The following SRPK2 variants were observed in gnomAD, a reference collection of about 807,000 sequenced individuals.
The protein encoded by SRPK2 is SFRS protein kinase 2.
In SRPK2, 21 loss-of-function variants were observed where a neutral mutation model predicts 90.8. The ratio of observed to expected loss-of-function variants is 0.23; its 90% confidence interval spans 0.16 to 0.33. The LOEUF (loss-of-function observed/expected upper bound fraction) is 0.33, where lower values mean the gene tolerates loss of function less well. Among genes scored for constraint, SRPK2 ranks in the 10% least tolerant of loss-of-function variants. The probability of loss-of-function intolerance (pLI) is 1.00; values close to 1 mark genes in which losing one functional copy is unlikely to be tolerated. For missense variants in SRPK2, 620 were observed against 869.0 expected (o/e 0.71, Z 3.60); for synonymous variants, 288 against 311.1 (o/e 0.93, Z 0.78).
chr7:105,203,468 A>G (rs1795814581), intron 3 of SRPK2, among the ~76,000 whole-genome samples, 160 bp downstream of exon 3: 1 of 152,178 alleles, frequency 6.6e-6, no homozygotes, highest in African/African-American at 2.4e-5. Context: ...TCTCTATACA[A>G]TGACCTAAGA....
intron 2 of SRPK2, among the ~76,000 whole-genome samples, chr7:105,364,116 T>C (rs1176818913): frequency 6.6e-6 from 1 of 152,048 alleles, no homozygotes; most frequent in Non-Finnish European, 1.5e-5. Flanking sequence ...CAAACCAACA[T>C]GGCACATGTA....
In SRPK2 at chr7:105,220,658, G is replaced by A. The variant is rs549308263; in HGVS notation, c.72-16873C>T. On this transcript the variant is annotated intron_variant, in intron 2 of 15. Coordinates refer to ENST00000393651, the MANE Select transcript of SRPK2 (RefSeq NM_182692.3). ...GTCTTTCAATCATTTATTAGTATAT[G>A]AAACAAACCACCAAAAGAATCTAAA... Among the ~76,000 whole-genome samples, 13 of 152,258 alleles carry A rather than the reference G, an allele frequency of 8.5e-5. No homozygotes were observed. The South Asian group carries it at 2.7e-3, about 32-fold the overall frequency.
rs113900008 is a variant in SRPK2, at chr7:105,121,387, A to AAAG, written c.1916-3366_1916-3365insCTT. Among the ~76,000 whole-genome samples, 487 of 148,264 alleles carry AAAG rather than the reference A, an allele frequency of 3.3e-3. 5 individuals carry two copies. Among genetic ancestry groups the AAAG allele is most frequent in the African/African-American group, 5.9e-3 (238 of 40,398 alleles). On this transcript the variant is annotated intron_variant, in intron 15 of 15. Coordinates refer to ENST00000393651, the MANE Select transcript of SRPK2 (RefSeq NM_182692.3). ...AAATATATGAAGACGTAAAAAAAAA[A>AAAG]AGAGAGAAAAGAAAATATATGAAGA...
intron 7 of SRPK2, among the ~76,000 whole-genome samples, chr7:105,159,441 C>A (rs1285922374): frequency 1.4e-4 from 2 of 14,784 alleles, no homozygotes; most frequent in Admixed American, 8.3e-4. Context: ...GAGCGAGACT[C>A]CGTCTCCAAA....
intron 2 of SRPK2, among the ~76,000 whole-genome samples, chr7:105,380,413 G>T (rs1268339196): frequency 6.6e-6 from 1 of 151,866 alleles, no homozygotes; most frequent in African/African-American, 2.4e-5. Context: ...TTACATACAT[G>T]CATATACATG....
intron 11 of SRPK2, among the ~76,000 whole-genome samples, chr7:105,134,001 A>T (rs1167866621): frequency 6.6e-6 from 1 of 152,164 alleles, no homozygotes; most frequent in Non-Finnish European, 1.5e-5. Context: ...AATAGTCCTT[A>T]AAGTCAGCAT....
In SRPK2 at chr7:105,284,061, G is replaced by GT. The variant is rs1012664056; in HGVS notation, c.72-80277dup. Among the ~76,000 whole-genome samples the GT allele has an allele frequency of 7.0e-4, 106 of 151,802 alleles. 2 individuals carry two copies. The highest frequency in any genetic ancestry group is 3.4e-3 in the South Asian group (16 of 4,764). ...CAAGTTACTTGGGCGTTTTTTGTTT[G>GT]TTTTTTTTGTTTGTTTGTTTTTTAA... On this transcript the variant is annotated intron_variant, in intron 2 of 15. Coordinates refer to ENST00000393651, the MANE Select transcript of SRPK2 (RefSeq NM_182692.3).
intron 2 of SRPK2, among the ~76,000 whole-genome samples, chr7:105,281,188 C>T (rs1781088934): frequency 6.6e-6 from 1 of 151,590 alleles, no homozygotes; most frequent in African/African-American, 2.4e-5. Context: ...CCTCCACCTC[C>T]CAGGTTCAAG....
chr7:105,268,099 C>A (rs921195188), intron 2 of SRPK2, among the ~76,000 whole-genome samples: 3 of 152,116 alleles, frequency 2.0e-5, no homozygotes, highest in Non-Finnish European at 4.4e-5. Context: ...TATCTTAATT[C>A]TTTTTATAAG....
intron 2 of SRPK2, among the ~76,000 whole-genome samples, chr7:105,214,633 A>G (rs1200492071): frequency 6.6e-6 from 1 of 152,234 alleles, no homozygotes; most frequent in Non-Finnish European, 1.5e-5. Context: ...AATAAAGTAC[A>G]TAGAAATAAA....
chr7:105,324,160 G>A (rs1813292197), intron 2 of SRPK2, among the ~76,000 whole-genome samples: 1 of 151,254 alleles, frequency 6.6e-6, no homozygotes, highest in Non-Finnish European at 1.5e-5. Context: ...CCATGCCCGG[G>A]TAATTATATA....
intron 7 of SRPK2, among the ~76,000 whole-genome samples, chr7:105,154,763 G>A (rs1004638389): frequency 3.3e-5 from 5 of 151,968 alleles, no homozygotes; most frequent in East Asian, 1.9e-4. Flanking sequence ...TGCAACCTCC[G>A]TATCCTGGGT....
chr7:105,324,174 T>A (rs116857739), intron 2 of SRPK2, among the ~76,000 whole-genome samples: 3,086 of 151,260 alleles, frequency 0.02, 54 homozygotes, highest in East Asian at 0.058. Flanking sequence ...TTATATATAT[T>A]TTTTTTGTAT....
intron 2 of SRPK2, among the ~76,000 whole-genome samples, chr7:105,290,991 T>C (rs993543896): frequency 9.7e-5 from 14 of 143,788 alleles, no homozygotes; most frequent in African/African-American, 2.8e-4. Flanking sequence ...TGAGCCGAGA[T>C]TGCGCCACTG....
chr7:105,285,198 C>A (rs1183147160), intron 2 of SRPK2, among the ~76,000 whole-genome samples: 2 of 151,862 alleles, frequency 1.3e-5, no homozygotes, highest in African/African-American at 4.8e-5. Flanking sequence ...CCAGCCTGGG[C>A]AACATAGCGA....
At chr7:105,170,979 G>GAAAGAAAGAA (rs1791020200) in intron 3 of SRPK2, among the ~76,000 whole-genome samples, 1 of 102,400 alleles carries the variant, frequency 9.8e-6, no homozygotes, top group Non-Finnish European at 2.0e-5. Context: ...GAAAGAAAGA[G>GAAAGAAAGAA]AAAGAAAGAA....
At chr7:105,174,972 C>T (rs1275811027) in intron 3 of SRPK2, among the ~76,000 whole-genome samples, 1 of 151,986 alleles carries the variant, frequency 6.6e-6, no homozygotes, top group Non-Finnish European at 1.5e-5. Flanking sequence ...GACAAAAACG[C>T]CTCTCTTACT....
rs115569288 is a variant in SRPK2 at position 105,208,236 on chromosome 7, T to G, written c.72-4451A>C. 2.3e-3 allele frequency among the ~76,000 whole-genome samples: 347 copies of G among 152,244 alleles called. 1 individual carries two copies. Among genetic ancestry groups the G allele is most frequent in the African/African-American group, 8.0e-3 (334 of 41,556 alleles). ...GCCATCTTGGAAAACGGTCTGGCAG[T>G]TCCTCAAAAGTTTAAACATAAAATT... On this transcript the variant is annotated intron_variant, in intron 2 of 15. Transcript: ENST00000393651.
At chr7:105,224,863 ATT>A (rs1276637953) in intron 2 of SRPK2, among the ~76,000 whole-genome samples, 1 of 152,204 alleles carries the variant, frequency 6.6e-6, no homozygotes, top group Non-Finnish European at 1.5e-5. Context: ...CCCAAAATGA[ATT>A]TGTTTGCTGA....
Sources: gnomAD v4.1 joint callset for allele counts (sites outside exome capture counted in the v4.1 genomes callset) on GRCh38, gnomAD v4.1.1 for gene constraint, MANE v1.5 for transcripts, NCBI Gene and HGNC (gene_info 2026-07-23, HGNC 2026-07-21) for gene names.